The following LRBA variants were observed in gnomAD, a reference collection of about 807,000 sequenced individuals.
LRBA encodes the protein lipopolysaccharide-responsive and beige-like anchor protein.
Under a neutral mutation model 330.0 loss-of-function variants are expected in LRBA, and 176 were observed. The observed-to-expected ratio is 0.53, with a 90% CI of 0.47 to 0.60. The LOEUF (loss-of-function observed/expected upper bound fraction) is 0.60, where lower values mean the gene tolerates loss of function less well. Among genes scored for constraint, LRBA ranks in the 20% least tolerant of loss-of-function variants. The pLI is 0.00. For synonymous variants in LRBA, 1,230 were observed against 1,193.0 expected (o/e 1.03, Z -0.64); for missense variants, 3,259 against 3,444.8 (o/e 0.95, Z 1.35).
chr4:150,877,455 T>C (rs1445308921), intron 17 of LRBA, among the ~76,000 whole-genome samples: 2 of 151,884 alleles, frequency 1.3e-5, no homozygotes, highest in Admixed American at 6.6e-5. Context: ...TAATGAAAAA[T>C]AGTTCAATTC....
At position 150,436,844 on chromosome 4, in the gene LRBA, T is replaced by C. The variant is rs1751173806; in HGVS notation, c.6801A>G (p.Pro2267=). 1 of 1,613,634 alleles carries C rather than the reference T, an allele frequency of 6.2e-7. No homozygotes were observed. Among genetic ancestry groups the C allele is most frequent in the African/African-American group, 1.3e-5 (1 of 74,900 alleles). The part of the protein sequence containing the change: ...DLSKPIGALN[P]KRAAFFAERY... ...GCTCAGCGAAGAATGCTGCTCTTTT[T>C]GGGTTCAGAGCTCCTATTGGCTGCC... Residue 2267 remains proline (P), a synonymous_variant, in exon 45 of 57, where the codon CCA becomes CCG. Transcript: ENST00000651943.
intron 2 of LRBA, among the ~76,000 whole-genome samples, chr4:151,002,774 G>C (rs922420178): frequency 1.1e-4 from 16 of 152,048 alleles, no homozygotes; most frequent in Middle Eastern, 3.4e-3. Context: ...CACTTTGGGA[G>C]GCTGAGGTGG....
At chr4:150,719,438 T>C (rs975375252) in intron 36 of LRBA, among the ~76,000 whole-genome samples, 1 of 152,126 alleles carries the variant, frequency 6.6e-6, no homozygotes, top group Non-Finnish European at 1.5e-5. Context: ...TAGGCTGATA[T>C]TGCAATTACA....
chr4:150,461,252 C>T (rs1754738586), intron 44 of LRBA, among the ~76,000 whole-genome samples: 1 of 151,714 alleles, frequency 6.6e-6, no homozygotes, highest in Admixed American at 6.6e-5. Flanking sequence ...GCAACTGGTG[C>T]CAAAAGTGGA....
intron 37 of LRBA, among the ~76,000 whole-genome samples, chr4:150,617,346 A>G (rs1775862038): frequency 2.0e-5 from 3 of 152,260 alleles, no homozygotes; most frequent in African/African-American, 4.8e-5. Context: ...TTTAAAATGA[A>G]TAACAAGTAG....
chr4:150,751,428 T>G (rs1733531606), intron 35 of LRBA, among the ~76,000 whole-genome samples: 1 of 152,068 alleles, frequency 6.6e-6, no homozygotes, highest in African/African-American at 2.4e-5. Context: ...TAATAAGATA[T>G]CTAAATGATT....
intron 36 of LRBA, among the ~76,000 whole-genome samples, chr4:150,697,118 A>C (rs1227164789): frequency 6.6e-6 from 1 of 151,670 alleles, no homozygotes; most frequent in African/African-American, 2.4e-5. Context: ...TGAGGTCAGG[A>C]GTTCAAGACC....
chr4:150,367,577 GCACATGTAA>G (rs1221947906), intron 47 of LRBA, among the ~76,000 whole-genome samples: 1 of 152,138 alleles, frequency 6.6e-6, no homozygotes, highest in African/African-American at 2.4e-5. Flanking sequence ...AGCGTAAGTA[GCACATGTAA>G]CTTAGCAAAT....
intron 35 of LRBA, among the ~76,000 whole-genome samples, chr4:150,753,930 G>A (rs1733901347): frequency 6.6e-6 from 1 of 151,598 alleles, no homozygotes; most frequent in Non-Finnish European, 1.5e-5. Flanking sequence ...GTTGTGGTGT[G>A]GTGGCGAGCA....
intron 2 of LRBA, among the ~76,000 whole-genome samples, chr4:150,995,008 T>C (rs1238270925): frequency 6.6e-6 from 1 of 151,284 alleles, no homozygotes; most frequent in Non-Finnish European, 1.5e-5. Context: ...GTGGGAAATC[T>C]GAAAAGCAAC....
chr4:150,887,677 G>A (rs1260594714), intron 17 of LRBA, among the ~76,000 whole-genome samples: 1 of 150,856 alleles, frequency 6.6e-6, no homozygotes, highest in African/African-American at 2.4e-5. Flanking sequence ...GCTGAGGCAG[G>A]AGAATGGCAT....
At chr4:150,786,193 T>G (rs542222372) in intron 34 of LRBA, among the ~76,000 whole-genome samples, 16 of 152,284 alleles carry the variant, frequency 1.1e-4, no homozygotes, top group Admixed American at 3.9e-4. Context: ...ACATCACTGT[T>G]GTAGACCCTA....
intron 40 of LRBA, among the ~76,000 whole-genome samples, chr4:150,505,884 A>G (rs1761004591): frequency 6.6e-6 from 1 of 152,210 alleles, no homozygotes; most frequent in Non-Finnish European, 1.5e-5. Flanking sequence ...ATAAAAAATG[A>G]GAAAGGGGAT....
At chr4:150,400,159 T>A (rs529471833) in intron 47 of LRBA, among the ~76,000 whole-genome samples, 58 of 152,294 alleles carry the variant, frequency 3.8e-4, no homozygotes, top group African/African-American at 1.3e-3. Context: ...GCAGGTAAAT[T>A]GTGAAGATCA....
chr4:150,801,986 C>T (rs531570749), intron 33 of LRBA, among the ~76,000 whole-genome samples: 38 of 150,084 alleles, frequency 2.5e-4, no homozygotes, highest in East Asian at 2.0e-3. Flanking sequence ...GCCTGGGCAA[C>T]GCAGCAAAAC....
intron 17 of LRBA, among the ~76,000 whole-genome samples, chr4:150,881,787 G>A (rs546338584): frequency 2.2e-4 from 33 of 152,172 alleles, no homozygotes; most frequent in Admixed American, 6.5e-4. Flanking sequence ...AAATATCTAC[G>A]GTTAAAAATC....
At chr4:150,372,999 T>C (rs1366501507) in intron 47 of LRBA, among the ~76,000 whole-genome samples, 2 of 151,730 alleles carry the variant, frequency 1.3e-5, no homozygotes, top group African/African-American at 4.8e-5. Flanking sequence ...CTATGGAGAG[T>C]GTCATGTGGA....
chr4:150,645,031 A>G (rs1184877707), intron 37 of LRBA, among the ~76,000 whole-genome samples: 2 of 151,586 alleles, frequency 1.3e-5, no homozygotes, highest in Non-Finnish European at 3.0e-5. Flanking sequence ...GGTCTTAACC[A>G]ATGTCATTTC....
At chr4:150,405,697 T>C (rs1329855039) in intron 47 of LRBA, among the ~76,000 whole-genome samples, 1 of 151,976 alleles carries the variant, frequency 6.6e-6, no homozygotes, top group Non-Finnish European at 1.5e-5. Flanking sequence ...TGGAGCTGAG[T>C]TGGAGCAAAG....
Sources: gnomAD v4.1 joint callset for allele counts (sites outside exome capture counted in the v4.1 genomes callset) on GRCh38, gnomAD v4.1.1 for gene constraint, MANE v1.5 for transcripts, NCBI Gene and HGNC (gene_info 2026-07-23, HGNC 2026-07-21) for gene names.